The following CTNNA3 variants were observed in gnomAD, a reference collection of about 807,000 sequenced individuals.
CTNNA3 encodes the protein catenin alpha-3.
In CTNNA3, 76 loss-of-function variants were observed where a neutral mutation model predicts 95.7. That is an observed-to-expected ratio of 0.79 (90% CI 0.66 to 0.96). The LOEUF is 0.96. Ranked by LOEUF, CTNNA3 falls within the 40% of genes least tolerant of loss-of-function variation. The pLI, the probability that CTNNA3 is intolerant of heterozygous loss-of-function variation, is 0.00. For missense variants in CTNNA3, 1,191 were observed against 1,089.8 expected (o/e 1.09, Z -1.31); for synonymous variants, 431 against 374.4 (o/e 1.15, Z -1.74).
chr10:66,022,235 C>A (rs1005664668), intron 15 of CTNNA3, among the ~76,000 whole-genome samples: 4 of 152,024 alleles, frequency 2.6e-5, no homozygotes, highest in Non-Finnish European at 5.9e-5. Context: ...ACATGTTCAA[C>A]CTTCATATGC....
At chr10:67,071,581 C>T (rs1268317509) in intron 7 of CTNNA3, among the ~76,000 whole-genome samples, 1 of 151,886 alleles carries the variant, frequency 6.6e-6, no homozygotes, top group Non-Finnish European at 1.5e-5. Flanking sequence ...TGAAATGTCC[C>T]TATGAATGTT....
intron 7 of CTNNA3, among the ~76,000 whole-genome samples, chr10:66,866,505 C>T (rs1369668709): frequency 6.6e-6 from 1 of 152,162 alleles, no homozygotes; most frequent in Non-Finnish European, 1.5e-5. Flanking sequence ...TTTGTGGATA[C>T]ACAATGAATG....
intron 1 of CTNNA3, 51 bp from the exon 2 acceptor site, chr10:67,647,569 A>T (rs1839756334): frequency 7.0e-7 from 1 of 1,429,678 alleles, no homozygotes; most frequent in African/African-American, 1.4e-5. Flanking sequence ...CTGTTTTCTA[A>T]AGAAGAACAC....
chr10:66,095,456 A>T (rs2081355031), intron 14 of CTNNA3, among the ~76,000 whole-genome samples: 1 of 152,136 alleles, frequency 6.6e-6, no homozygotes, highest in Admixed American at 6.6e-5. Flanking sequence ...GCCAAATTAG[A>T]TCATGAAGAT....
chr10:66,258,243 A>T (rs1345916811), intron 13 of CTNNA3, among the ~76,000 whole-genome samples: 1 of 152,200 alleles, frequency 6.6e-6, no homozygotes, highest in African/African-American at 2.4e-5. Flanking sequence ...GACTGTGGAT[A>T]CAAAGTATCT....
intron 13 of CTNNA3, among the ~76,000 whole-genome samples, chr10:66,222,858 C>G (rs557785559): frequency 4.6e-5 from 7 of 152,238 alleles, no homozygotes; most frequent in South Asian, 2.1e-4. Context: ...AAAAATAAAA[C>G]TAATTCTTTT....
intron 2 of CTNNA3, among the ~76,000 whole-genome samples, chr10:67,641,148 C>A (rs1315057047): frequency 2.0e-5 from 3 of 151,970 alleles, no homozygotes; most frequent in East Asian, 3.9e-4. Context: ...AGAACTCCAA[C>A]AAATTTACAA....
At chr10:66,717,173 C>A (rs74141661) in intron 9 of CTNNA3, among the ~76,000 whole-genome samples, 1,749 of 152,166 alleles carry the variant, frequency 0.011, 40 homozygotes, top group African/African-American at 0.04. Context: ...GCAACATCAA[C>A]TCTTGCCTGA....
intron 12 of CTNNA3, among the ~76,000 whole-genome samples, chr10:66,326,776 T>C (rs962978889): frequency 6.6e-6 from 1 of 152,076 alleles, no homozygotes; most frequent in African/African-American, 2.4e-5. Context: ...TCATAGTCTC[T>C]AGTATCTTCC....
intron 12 of CTNNA3, among the ~76,000 whole-genome samples, chr10:66,370,462 G>T (rs2092745547): frequency 6.6e-6 from 1 of 152,270 alleles, no homozygotes; most frequent in Admixed American, 6.5e-5. Context: ...ACATTTTACA[G>T]TAATTATCTT....
intron 12 of CTNNA3, among the ~76,000 whole-genome samples, chr10:66,336,566 C>A (rs2092398867): frequency 6.6e-6 from 1 of 152,090 alleles, no homozygotes; most frequent in Non-Finnish European, 1.5e-5. Context: ...AAGAATTTCC[C>A]AGTGGCCCAC....
chr10:67,345,789 A>G (rs1217160148), intron 5 of CTNNA3, among the ~76,000 whole-genome samples: 1 of 151,916 alleles, frequency 6.6e-6, no homozygotes, highest in African/African-American at 2.4e-5. Context: ...CAGCCACTCA[A>G]TGTCTTTCGA....
intron 7 of CTNNA3, among the ~76,000 whole-genome samples, chr10:67,112,474 A>T (rs1858954675): frequency 6.6e-6 from 1 of 152,158 alleles, no homozygotes; most frequent in Non-Finnish European, 1.5e-5. Flanking sequence ...TCTTGTCAGC[A>T]CTTATTTAGT....
chr10:66,491,466 TC>T (rs1839920378), intron 11 of CTNNA3, among the ~76,000 whole-genome samples: 1 of 152,238 alleles, frequency 6.6e-6, no homozygotes, highest in South Asian at 2.1e-4. Context: ...ATTTATTTAT[TC>T]CCAAAGAAAT....
At chr10:67,610,938 GCTTA>G (rs1276344517) in intron 2 of CTNNA3, among the ~76,000 whole-genome samples, 1 of 152,124 alleles carries the variant, frequency 6.6e-6, no homozygotes, top group Non-Finnish European at 1.5e-5. Flanking sequence ...GCTTGGGTTT[GCTTA>G]CTTTCTTTAG....
At chr10:67,689,260 C>T (rs1840795509) in intron 1 of CTNNA3, among the ~76,000 whole-genome samples, 2 of 152,140 alleles carry the variant, frequency 1.3e-5, no homozygotes, top group Non-Finnish European at 2.9e-5. Context: ...TTCCGAAGCT[C>T]CCCATATCCT....
intron 1 of CTNNA3, among the ~76,000 whole-genome samples, chr10:67,726,281 A>ATTACATATTATATATGATATTATC (rs1564840985): frequency 2.6e-4 from 24 of 92,858 alleles, no homozygotes; most frequent in African/African-American, 1.2e-3. Context: ...TATATATTAT[A>ATTACATATTATATATGATATTATC]TTACATATTA....
At chr10:66,557,179 TTTA>T (rs981761315) in intron 10 of CTNNA3, among the ~76,000 whole-genome samples, 61 of 152,094 alleles carry the variant, frequency 4.0e-4, no homozygotes, top group African/African-American at 1.4e-3. Flanking sequence ...AACAACGTGC[TTTA>T]TATGTGTGCA....
intron 3 of CTNNA3, among the ~76,000 whole-genome samples, chr10:67,579,006 T>C (rs1018533398): frequency 6.0e-5 from 4 of 66,714 alleles, no homozygotes; most frequent in African/African-American, 1.4e-4. Context: ...GATATATATA[T>C]ATATATATAT....
Sources: gnomAD v4.1 joint callset for allele counts (sites outside exome capture counted in the v4.1 genomes callset) on GRCh38, gnomAD v4.1.1 for gene constraint, MANE v1.5 for transcripts, NCBI Gene and HGNC (gene_info 2026-07-23, HGNC 2026-07-21) for gene names.